Variants in CFAP47 observed in about 807,000 individuals in gnomAD.
CFAP47 encodes cilia- and flagella-associated protein 47.
Under a neutral mutation model 148.1 loss-of-function variants are expected in CFAP47, and 29 were observed. The observed-to-expected ratio is 0.20, with a 90% CI of 0.15 to 0.27. The LOEUF (loss-of-function observed/expected upper bound fraction) is 0.27. Among genes scored for constraint, CFAP47 ranks in the 10% least tolerant of loss-of-function variants. CFAP47 has a pLI of 1.00. For missense variants in CFAP47, 1,872 were observed against 1,697.5 expected, an observed-to-expected ratio of 1.10 and a Z score of -1.81; for synonymous variants, 664 against 577.3, an observed-to-expected ratio of 1.15 and a Z score of -2.15.
At chrX:35,986,005 AG>A (rs1936709612) in intron 15 of CFAP47, 2 of 298,600 alleles carry the variant, frequency 6.7e-6, no homozygotes, top group Admixed American at 6.2e-5. Flanking sequence ...AGAGCAATTA[AG>A]GAAATTGCCC....
At chrX:36,028,329 A>T (rs769883251) in intron 22 of CFAP47, among the ~76,000 whole-genome samples, 3 of 110,823 alleles carry the variant, frequency 2.7e-5, no homozygotes, top group South Asian at 7.5e-4. Context: ...TAATTTTTGT[A>T]TATGGTGAGA....
chrX:36,004,132 C>T lies in CFAP47; in HGVS notation c.3417+2425C>T, dbSNP rs185531863. ...GGAGTACAGGCATGTGCCACCACAC[C>T]CGGCTAATTTTTGTATATTTTTTTA... On this transcript the variant is annotated intron_variant, in intron 21 of 63. Transcript: ENST00000378653. Among the ~76,000 whole-genome samples, 747 of 108,306 alleles carry T rather than the reference C, an allele frequency of 6.9e-3. 4 individuals are homozygous for T. The highest frequency in any genetic ancestry group is 0.019 in the Middle Eastern group (4 of 211). The allele number at this position is 108,306 out of a possible 115,157, so 94.1% of individuals were successfully genotyped here. A position where few individuals can be genotyped will look rare whatever the true frequency, so the allele number is the denominator to read the frequency against.
intron 30 of CFAP47, among the ~76,000 whole-genome samples, chrX:36,087,693 CA>C (rs1938112935): frequency 9.0e-6 from 1 of 111,659 alleles, no homozygotes; most frequent in Non-Finnish European, 1.9e-5. Flanking sequence ...TTTTCTTTCA[CA>C]GAGATTTACC....
At chrX:36,301,412 G>A (rs188406700) in intron 53 of CFAP47, among the ~76,000 whole-genome samples, 221 of 109,679 alleles carry the variant, frequency 2.0e-3, no homozygotes, top group African/African-American at 7.1e-3. Context: ...ATTATTACAA[G>A]GGATAAAAAG....
intron 8 of CFAP47, among the ~76,000 whole-genome samples, chrX:35,957,566 T>C (rs1174252453): frequency 1.8e-5 from 2 of 112,287 alleles, no homozygotes; most frequent in African/African-American, 6.5e-5. Context: ...GCAACAAATG[T>C]TAGCCACTTT....
Position 36,059,072 on chromosome X carries a change from G to A in CFAP47, c.4218-6571G>A, listed in dbSNP as rs138653485. Among the ~76,000 whole-genome samples the A allele has an allele frequency of 8.4e-3, 934 of 111,853 alleles. 10 individuals carry two copies. Among genetic ancestry groups the A allele is most frequent in the African/African-American group, 0.024 (734 of 30,822 alleles). ...TATCAGAGGAAGTTTAACATTACAC[G>A]GAGTTAATGTCCTTCAACTTTTAAG... On this transcript the variant is annotated intron_variant, in intron 26 of 63. Coordinates refer to ENST00000378653, the MANE Select transcript of CFAP47 (RefSeq NM_001304548.2).
intron 62 of CFAP47, among the ~76,000 whole-genome samples, chrX:36,372,209 AT>A (rs202191825): frequency 0.091 from 9,940 of 109,415 alleles, 369 homozygotes; most frequent in East Asian, 0.23. Flanking sequence ...TTTAAAAAAA[AT>A]GATGGCATAT....
intron 63 of CFAP47, among the ~76,000 whole-genome samples, chrX:36,381,192 G>A (rs1377847353): frequency 9.1e-6 from 1 of 110,241 alleles, no homozygotes; most frequent in Non-Finnish European, 1.9e-5. Flanking sequence ...TCAACTTATG[G>A]CCAATTCTGC....
intron 54 of CFAP47, among the ~76,000 whole-genome samples, 158 bp downstream of exon 54, chrX:36,304,118 A>G (rs1358682015): frequency 8.9e-6 from 1 of 111,901 alleles, no homozygotes; most frequent in Non-Finnish European, 1.9e-5. Context: ...GGGGTGGCTC[A>G]TGCCTGTAAT....
chrX:35,941,491 G>GA, intron 3 of CFAP47, 93 bp downstream of exon 3: 1 of 453,263 alleles, frequency 2.2e-6, no homozygotes, highest in South Asian at 5.7e-5. Context: ...TAATTTAACT[G>GA]AAAAAAGGTC....
chrX:36,123,692 C>G (rs1025228970), intron 33 of CFAP47, among the ~76,000 whole-genome samples: 1 of 110,682 alleles, frequency 9.0e-6, no homozygotes, highest in African/African-American at 3.3e-5. Context: ...TGTGGGTGCC[C>G]TTTTGTCCCA....
chrX:36,236,328 A>G (rs1052761476), intron 47 of CFAP47, among the ~76,000 whole-genome samples: 1 of 112,355 alleles, frequency 8.9e-6, no homozygotes. Flanking sequence ...CATGCTGAAC[A>G]AAGTAAGATA....
chrX:36,075,771 G>C (rs1313481302), intron 29 of CFAP47, among the ~76,000 whole-genome samples: 3 of 111,453 alleles, frequency 2.7e-5, no homozygotes, highest in Non-Finnish European at 5.6e-5. Context: ...TCCCACAAGA[G>C]AGAGCATGCG....
In CFAP47 at chrX:36,367,438, C is replaced by T. The variant is rs145692781; in HGVS notation, c.9185+311C>T. On this transcript the variant is annotated intron_variant, in intron 62 of 63. Transcript: ENST00000378653. The stretch of plus-strand genomic sequence containing the variant: ...TCTGCAAATGTCAATTGTGTTGGTA[C>T]GTCAGATGGTTTAACTAAGCAGAAA... Among the ~76,000 whole-genome samples the T allele has an allele frequency of 8.2e-3, 922 of 111,908 alleles. 10 individuals carry two copies. Among genetic ancestry groups the T allele is most frequent in the African/African-American group, 0.028 (861 of 30,897 alleles).
chrX:36,024,500 C>T (rs1937193761), intron 22 of CFAP47, among the ~76,000 whole-genome samples: 1 of 111,337 alleles, frequency 9.0e-6, no homozygotes, highest in South Asian at 3.8e-4. Flanking sequence ...GGGCCCAGCT[C>T]GGCCATTAGG....
chrX:36,379,716 C>G (rs782193670), intron 63 of CFAP47, 198 bp downstream of exon 63: 1 of 383,647 alleles, frequency 2.6e-6, no homozygotes, highest in Non-Finnish European at 4.6e-6. Flanking sequence ...TGGTATATAA[C>G]AAACAGTTGT....
chrX:36,194,520 G>C (rs1460442663), intron 42 of CFAP47, among the ~76,000 whole-genome samples: 1 of 111,775 alleles, frequency 8.9e-6, no homozygotes, highest in African/African-American at 3.3e-5. Context: ...AGAACTACCT[G>C]GACTGGGTCA....
chrX:36,236,635 A>C (rs1168270370), intron 47 of CFAP47, 51 bp from the exon 48 acceptor site: 6 of 492,044 alleles, frequency 1.2e-5, no homozygotes, highest in Admixed American at 3.3e-5. Context: ...GAGGTTGTTT[A>C]ACATTTATCT....
At position 36,374,697 on chromosome X, in the gene CFAP47, C is replaced by T. The variant is rs1288514980; in HGVS notation, c.9186-4653C>T. ...CCTCTTAATACTACTTTTGCTGCATCCCATTAAGTTTTGTTTTGTTGTGTT... is the reference window on the plus strand; with the variant it reads ...CCTCTTAATACTACTTTTGCTGCATTCCATTAAGTTTTGTTTTGTTGTGTT... On this transcript the variant is annotated intron_variant, in intron 62 of 63. Transcript: ENST00000378653. 1.1e-5 allele frequency: 4 copies of T among 356,936 alleles called. No homozygotes were observed. The East Asian group carries it at 1.4e-4, about 13-fold the overall frequency. 29.4% of individuals were successfully genotyped at this position (356,936 alleles called of 1,213,427 possible).
Sources: gnomAD v4.1 joint callset for allele counts (sites outside exome capture counted in the v4.1 genomes callset) on GRCh38, gnomAD v4.1.1 for gene constraint, MANE v1.5 for transcripts, NCBI Gene and HGNC (gene_info 2026-07-23, HGNC 2026-07-21) for gene names.